The following RBL1 variants were observed in gnomAD, a reference collection of about 807,000 sequenced individuals.
RBL1 encodes RB transcriptional corepressor like 1.
In RBL1, 82 loss-of-function variants were observed where a neutral mutation model predicts 123.0. The observed-to-expected ratio is 0.67, with a 90% confidence interval of 0.56 to 0.80. The LOEUF (loss-of-function observed/expected upper bound fraction) is 0.80. Ranked by LOEUF, RBL1 falls within the 30% of genes least tolerant of loss-of-function variation. RBL1 has a pLI of 0.00. For synonymous variants in RBL1, 405 were observed against 441.3 expected, an observed-to-expected ratio of 0.92 and a Z score of 1.03; for missense variants, 1,171 against 1,299.6, an observed-to-expected ratio of 0.90 and a Z score of 1.52.
Position 37,047,193 on chromosome 20 carries a change from G to A in RBL1, c.1468-3C>T, listed in dbSNP as rs1225558510. 2 of 1,578,930 alleles carry A rather than the reference G, an allele frequency of 1.3e-6. No homozygotes were observed. The highest frequency in any genetic ancestry group is 1.7e-6 in the Non-Finnish European group (2 of 1,171,790). ...AATATATCTTGCTCTAAAAGAACCT[G>A]GGGGAAGAGAAAGACCACAGTTTAA... On this transcript the variant is annotated splice_polypyrimidine_tract_variant and splice_region_variant and intron_variant, in intron 11 of 21. Transcript: ENST00000373664.
Position 37,067,246 on chromosome 20 carries a change from A to G in RBL1, c.543T>C (p.Phe181=), listed in dbSNP as rs763283502. Residue 181 remains phenylalanine (F), a synonymous_variant, in exon 4 of 22, where the codon TTT becomes TTC. Transcript: ENST00000373664. ...GTGTCATCTTACCCTTAGTATAAAC[A>G]AAAAGTGTCCAACAGAAATTAAACA... is the stretch of plus-strand genomic sequence containing the variant. ...KDLFNFCWTL[F]VYTKGNFRMI... 4.4e-6 allele frequency: 7 copies of G among 1,606,208 alleles called. No homozygotes were observed. The Admixed American group carries it at 6.9e-5, about 16-fold the overall frequency.
intron 21 of RBL1, among the ~76,000 whole-genome samples, chr20:37,002,693 ATCT>A (rs1479707829): frequency 2.0e-5 from 3 of 148,816 alleles, no homozygotes; most frequent in Non-Finnish European, 4.5e-5. Flanking sequence ...ACAGTTTGAG[ATCT>A]TCTTCCTTAG....
chr20:37,084,272 T>A (rs2065504894), intron 2 of RBL1, among the ~76,000 whole-genome samples: 1 of 152,134 alleles, frequency 6.6e-6, no homozygotes, highest in Admixed American at 6.6e-5. Flanking sequence ...ATATCATCTT[T>A]ACAATGATGT....
intron 2 of RBL1, among the ~76,000 whole-genome samples, chr20:37,072,442 C>T (rs1006530464): frequency 9.2e-5 from 14 of 152,034 alleles, no homozygotes; most frequent in South Asian, 2.1e-4. Flanking sequence ...GCGGAAGTTG[C>T]GGTGAGCTGA....
intron 19 of RBL1, among the ~76,000 whole-genome samples, chr20:37,014,555 T>G (rs991921425): frequency 7.2e-5 from 11 of 152,002 alleles, no homozygotes; most frequent in African/African-American, 2.4e-4. Context: ...TCCCAGCACT[T>G]TGGGAGGCCA....
intron 20 of RBL1, among the ~76,000 whole-genome samples, chr20:37,006,193 C>A (rs748621060): frequency 2.6e-4 from 39 of 149,354 alleles, no homozygotes; most frequent in Non-Finnish European, 4.5e-4. Flanking sequence ...AGCCACAGCA[C>A]CTGACCTCCT....
intron 21 of RBL1, among the ~76,000 whole-genome samples, chr20:37,003,143 C>T (rs1325730998): frequency 6.6e-6 from 1 of 152,188 alleles, no homozygotes; most frequent in Non-Finnish European, 1.5e-5. Context: ...CAATCTGCCC[C>T]ACTACAATTT....
rs759344830 is a variant in RBL1 at position 37,032,703 on chromosome 20, G to A, written c.2344C>T (p.Pro782Ser). Residue 782 changes from proline to serine, a missense_variant, in exon 16 of 22, where the codon CCA becomes TCA. Physicochemically the swap from Pro to Ser is moderately conservative, Grantham distance 74. Coordinates refer to ENST00000373664, the MANE Select transcript of RBL1 (RefSeq NM_002895.5). Reference sequence around the variant, plus strand: ...AGTGCTAAGGACCCAGTTCTCTTTGGCCTGTTTATTCCAGTTGAATGTACC... The same window carrying A: ...AGTGCTAAGGACCCAGTTCTCTTTGACCTGTTTATTCCAGTTGAATGTACC... Reference protein sequence around the residue: ...QEVHSTGINRPKRTGSLALFY... With the variant: ...QEVHSTGINRSKRTGSLALFY... The A allele has an allele frequency of 6.2e-7, 1 of 1,613,910 alleles. No individual in the cohort carries two copies. Among genetic ancestry groups the A allele is most frequent in the Non-Finnish European group, 8.5e-7 (1 of 1,179,972 alleles).
chr20:37,017,608 CA>C (rs1291999127), intron 19 of RBL1, among the ~76,000 whole-genome samples: 1 of 98,770 alleles, frequency 1.0e-5, no homozygotes, highest in African/African-American at 5.2e-5. Context: ...CTTATATGAA[CA>C]GGACATTTTC....
At chr20:37,021,039 C>T (rs2146227036) in intron 17 of RBL1, among the ~76,000 whole-genome samples, 1 of 152,242 alleles carries the variant, frequency 6.6e-6, no homozygotes, top group South Asian at 2.1e-4. Context: ...CTGTTTAATT[C>T]CCTGCAGTCT....
chr20:37,073,447 C>G (rs1036689769), intron 2 of RBL1, among the ~76,000 whole-genome samples: 11 of 152,030 alleles, frequency 7.2e-5, no homozygotes, highest in African/African-American at 2.7e-4. Context: ...TCTGTAATCC[C>G]AGCACTTTGG....
At chr20:37,038,866 G>A (rs2064675262) in intron 14 of RBL1, among the ~76,000 whole-genome samples, 1 of 152,198 alleles carries the variant, frequency 6.6e-6, no homozygotes, top group East Asian at 1.9e-4. Context: ...GCCTCCCAAA[G>A]TGCTGGGATT....
chr20:37,089,264 A>T, intron 1 of RBL1, 142 bp from the exon 2 acceptor site: 1 of 765,800 alleles, frequency 1.3e-6, no homozygotes, highest in Non-Finnish European at 1.9e-6. Flanking sequence ...TATTTGCCCA[A>T]GGTCACAAAG....
chr20:37,017,000 A>AAGACGAGACG (rs569359385), intron 19 of RBL1, among the ~76,000 whole-genome samples: 5 of 151,606 alleles, frequency 3.3e-5, no homozygotes, highest in East Asian at 3.9e-4. Flanking sequence ...GAGAGGAGAG[A>AAGACGAGACG]AGACGAGACG....
At chr20:37,025,214 T>G (rs1445674175) in intron 16 of RBL1, among the ~76,000 whole-genome samples, 1 of 147,194 alleles carries the variant, frequency 6.8e-6, no homozygotes, top group Non-Finnish European at 1.5e-5. Context: ...TAATAAAGAC[T>G]ATATTTGCCC....
At chr20:37,031,741 AT>A (rs35730967) in intron 16 of RBL1, among the ~76,000 whole-genome samples, 9 of 151,040 alleles carry the variant, frequency 6.0e-5, no homozygotes, top group Non-Finnish European at 1.2e-4. Context: ...ATTTGTTGCT[AT>A]TTTTTTTTCT....
chr20:37,011,300 T>C (rs112836680), intron 19 of RBL1, among the ~76,000 whole-genome samples: 11 of 152,154 alleles, frequency 7.2e-5, no homozygotes, highest in African/African-American at 2.7e-4. Flanking sequence ...TAACATGACA[T>C]TGAAGAATTC....
At chr20:37,043,681 G>A (rs1215926889) in intron 13 of RBL1, among the ~76,000 whole-genome samples, 3 of 151,842 alleles carry the variant, frequency 2.0e-5, no homozygotes, top group African/African-American at 7.3e-5. Flanking sequence ...AAAAAAGAGA[G>A]GAAATGAAAT....
chr20:37,095,884 GGCGACCACC>G lies in RBL1; in HGVS notation c.36_44del (p.Val13_Ala15del), dbSNP rs1568903350. 1 of 1,603,630 alleles carries G rather than the reference GGCGACCACC, an allele frequency of 6.2e-7. No homozygotes were observed. The highest frequency in any genetic ancestry group is 1.3e-5 in the African/African-American group (1 of 74,894). ...GGGCCTGTAGCGCCTCCCCGGCTGC[GGCGACCACC>G]GCCGCCCCCTCAGCGTGGGGCTTGT... On this transcript the variant is annotated inframe_deletion, in exon 1 of 22. Coordinates refer to ENST00000373664, the MANE Select transcript of RBL1 (RefSeq NM_002895.5).
Sources: gnomAD v4.1 joint callset for allele counts (sites outside exome capture counted in the v4.1 genomes callset) on GRCh38, gnomAD v4.1.1 for gene constraint, MANE v1.5 for transcripts, NCBI Gene and HGNC (gene_info 2026-07-23, HGNC 2026-07-21) for gene names.